The following SERGEF variants were observed in gnomAD, a reference collection of about 807,000 sequenced individuals.
SERGEF encodes secretion-regulating guanine nucleotide exchange factor.
Under a neutral mutation model 50.0 loss-of-function variants are expected in SERGEF, and 51 were observed. That is an observed-to-expected ratio of 1.02 (90% CI 0.81 to 1.29). The LOEUF is 1.29. Among genes scored for constraint, SERGEF ranks in the 50% most tolerant of loss-of-function variants. SERGEF has a pLI of 0.00. For missense variants in SERGEF, 521 were observed against 557.0 expected, an observed-to-expected ratio of 0.94 and a Z score of 0.65; for synonymous variants, 205 against 212.4, an observed-to-expected ratio of 0.97 and a Z score of 0.30.
At chr11:17,865,921 T>A (rs1851013837) in intron 10 of SERGEF, among the ~76,000 whole-genome samples, 2 of 152,314 alleles carry the variant, frequency 1.3e-5, no homozygotes, top group South Asian at 2.1e-4. Flanking sequence ...CACTCATCAC[T>A]CACTCACTGA....
chr11:17,941,289 T>G (rs549784107), intron 9 of SERGEF, among the ~76,000 whole-genome samples: 1 of 152,314 alleles, frequency 6.6e-6, no homozygotes, highest in African/African-American at 2.4e-5. Flanking sequence ...GTGAAGTATA[T>G]TCGCATTGTT....
In SERGEF at chr11:17,983,019, T is replaced by C. The variant is rs114887394; in HGVS notation, c.844+5578A>G. On this transcript the variant is annotated intron_variant, in intron 8 of 10. Coordinates refer to ENST00000265965, the MANE Select transcript of SERGEF (RefSeq NM_012139.4). ...AGGAAGTTGCTTCTTCCATCATTGA[T>C]TCTCTAAAACTTCTAAGACTCTTTG... Among the ~76,000 whole-genome samples the C allele has an allele frequency of 6.5e-3, 995 of 152,328 alleles. 9 individuals are homozygous for C. Among genetic ancestry groups the C allele is most frequent in the African/African-American group, 0.02 (835 of 41,562 alleles).
At chr11:17,903,891 G>A (rs1424978177) in intron 9 of SERGEF, among the ~76,000 whole-genome samples, 1 of 152,204 alleles carries the variant, frequency 6.6e-6, no homozygotes, top group Non-Finnish European at 1.5e-5. Flanking sequence ...CTCCACTTCC[G>A]TAGGTCATCT....
At chr11:17,829,992 A>G (rs1439854461) in intron 10 of SERGEF, among the ~76,000 whole-genome samples, 1 of 152,250 alleles carries the variant, frequency 6.6e-6, no homozygotes, top group East Asian at 1.9e-4. Context: ...GACTGTAAAA[A>G]GGGCTTTCCT....
chr11:17,800,756 A>G (rs1247870129), intron 10 of SERGEF, among the ~76,000 whole-genome samples: 4 of 152,192 alleles, frequency 2.6e-5, no homozygotes, highest in Non-Finnish European at 5.9e-5. Flanking sequence ...GGAGCCAGCC[A>G]TATCTGTGGG....
intron 6 of SERGEF, among the ~76,000 whole-genome samples, chr11:17,993,301 T>C (rs1443636859): frequency 1.3e-5 from 2 of 152,300 alleles, no homozygotes; most frequent in African/African-American, 4.8e-5. Flanking sequence ...TGGATAGTAA[T>C]TGGAAAAATC....
intron 10 of SERGEF, among the ~76,000 whole-genome samples, chr11:17,813,289 GT>G (rs1849906742): frequency 6.6e-6 from 1 of 152,202 alleles, no homozygotes; most frequent in African/African-American, 2.4e-5. Context: ...ATGAGGTGGA[GT>G]TTTGTTTCCA....
chr11:17,852,096 T>C (rs1850724967), intron 10 of SERGEF, among the ~76,000 whole-genome samples: 1 of 152,016 alleles, frequency 6.6e-6, no homozygotes, highest in Non-Finnish European at 1.5e-5. Context: ...GTCTAATGAG[T>C]GTGTGGTACC....
At chr11:17,954,368 G>A (rs1381461820) in intron 9 of SERGEF, among the ~76,000 whole-genome samples, 5 of 152,296 alleles carry the variant, frequency 3.3e-5, no homozygotes, top group South Asian at 2.1e-4. Flanking sequence ...GGACAAAGAC[G>A]CCCTGGAAAC....
intron 10 of SERGEF, among the ~76,000 whole-genome samples, chr11:17,791,144 C>T (rs1273291756): frequency 1.3e-5 from 2 of 152,188 alleles, no homozygotes; most frequent in African/African-American, 4.8e-5. Context: ...GAAGATTAAA[C>T]AATTTACTTA....
chr11:17,908,040 A>T (rs1490455303), intron 9 of SERGEF, among the ~76,000 whole-genome samples: 1 of 152,116 alleles, frequency 6.6e-6, no homozygotes, highest in Non-Finnish European at 1.5e-5. Context: ...GTTCTCCGCA[A>T]CTTAGCCCTC....
chr11:17,790,288 G>T (rs969311503), intron 10 of SERGEF, among the ~76,000 whole-genome samples: 8 of 151,214 alleles, frequency 5.3e-5, no homozygotes, highest in African/African-American at 1.9e-4. Flanking sequence ...TAAATATTGT[G>T]ATCTGTTTAG....
intron 10 of SERGEF, among the ~76,000 whole-genome samples, chr11:17,872,519 CACCCTTAT>C (rs1395876131): frequency 2.0e-5 from 3 of 152,170 alleles, no homozygotes; most frequent in Non-Finnish European, 2.9e-5. Flanking sequence ...AATAAACAAG[CACCCTTAT>C]ACCTTGCTAG....
rs1221255247 is a variant in SERGEF at position 17,826,531 on chromosome 11, G to C, written c.1049-38118C>G. The stretch of plus-strand genomic sequence containing the variant: ...AATAGAGTGCCCAGGCTGCACGGAT[G>C]GGGAGTGGGAGTTACTGTTTAATAG... On this transcript the variant is annotated intron_variant, in intron 10 of 10. Transcript: ENST00000265965. 3.3e-5 allele frequency among the ~76,000 whole-genome samples: 5 copies of C among 152,310 alleles called. No individual in the cohort carries two copies. The East Asian group carries it at 7.7e-4, about 23-fold the overall frequency.
At chr11:17,820,703 C>G (rs1414118624) in intron 10 of SERGEF, among the ~76,000 whole-genome samples, 1 of 152,076 alleles carries the variant, frequency 6.6e-6, no homozygotes, top group Non-Finnish European at 1.5e-5. Flanking sequence ...TGAATGTGAC[C>G]TTTTATGGAA....
At chr11:17,987,159 G>A (rs966227248) in intron 8 of SERGEF, among the ~76,000 whole-genome samples, 4 of 152,178 alleles carry the variant, frequency 2.6e-5, no homozygotes, top group Non-Finnish European at 4.4e-5. Flanking sequence ...AATCCAAAGA[G>A]ACAAAGAAGC....
chr11:17,951,700 G>A (rs1852778052), intron 9 of SERGEF, among the ~76,000 whole-genome samples: 1 of 152,212 alleles, frequency 6.6e-6, no homozygotes, highest in African/African-American at 2.4e-5. Context: ...TTGGTGTTCA[G>A]GGCTAGCAAT....
chr11:18,008,104 A>C, intron 1 of SERGEF, 28 bp from the exon 2 acceptor site: 1 of 1,604,572 alleles, frequency 6.2e-7, no homozygotes, highest in Non-Finnish European at 8.5e-7. Context: ...AAGGATGAAA[A>C]AGTGTGGGAA....
intron 10 of SERGEF, among the ~76,000 whole-genome samples, chr11:17,792,015 T>C (rs570008706): frequency 1.3e-5 from 2 of 152,366 alleles, no homozygotes; most frequent in Admixed American, 1.3e-4. Flanking sequence ...CAGTAAAAAC[T>C]TCTTTTTGAT....
Sources: gnomAD v4.1 joint callset for allele counts (sites outside exome capture counted in the v4.1 genomes callset) on GRCh38, gnomAD v4.1.1 for gene constraint, MANE v1.5 for transcripts, NCBI Gene and HGNC (gene_info 2026-07-23, HGNC 2026-07-21) for gene names.